The following CDH13 variants were observed in gnomAD, a reference collection of about 807,000 sequenced individuals.
CDH13 encodes the protein cadherin 13, also known as cadherin-13.
In CDH13, 24 loss-of-function variants were observed where a neutral mutation model predicts 63.8. The ratio of observed to expected loss-of-function variants is 0.38; its 90% confidence interval spans 0.27 to 0.53. The LOEUF is 0.53. Ranked by LOEUF, CDH13 falls within the 20% of genes least tolerant of loss-of-function variation. CDH13 has a pLI of 0.85. For missense variants in CDH13, 1,049 were observed against 903.1 expected (o/e 1.16, Z -2.07); for synonymous variants, 503 against 355.3 (o/e 1.42, Z -4.67).
intron 1 of CDH13, among the ~76,000 whole-genome samples, chr16:82,684,759 A>G (rs762397777): frequency 1.3e-5 from 2 of 152,186 alleles, no homozygotes; most frequent in Non-Finnish European, 2.9e-5. Flanking sequence ...GGCATTTGAG[A>G]ATTATCCTCT....
chr16:82,794,834 C>A (rs2036503885), intron 1 of CDH13, among the ~76,000 whole-genome samples: 2 of 152,196 alleles, frequency 1.3e-5, no homozygotes, highest in Admixed American at 6.5e-5. Flanking sequence ...GCTGATTCTT[C>A]TGCCTGAATT....
chr16:82,631,923 C>A (rs1454429216), intron 1 of CDH13, among the ~76,000 whole-genome samples: 1 of 152,180 alleles, frequency 6.6e-6, no homozygotes, highest in South Asian at 2.1e-4. Context: ...CTATCCCAAA[C>A]CTGCAACTCT....
intron 7 of CDH13, among the ~76,000 whole-genome samples, chr16:83,567,679 T>C (rs1904295649): frequency 6.6e-6 from 1 of 152,222 alleles, no homozygotes; most frequent in Non-Finnish European, 1.5e-5. Context: ...CGCTGCAAGC[T>C]CTGCCTCCTG....
chr16:83,544,411 A>T (rs1019794791), intron 7 of CDH13, among the ~76,000 whole-genome samples: 3 of 152,118 alleles, frequency 2.0e-5, no homozygotes, highest in Non-Finnish European at 4.4e-5. Flanking sequence ...CGTAAGTTGA[A>T]AATTATCATT....
At chr16:82,858,754 A>G in intron 2 of CDH13, 3 of 558,752 alleles carry the variant, frequency 5.4e-6, no homozygotes, top group Non-Finnish European at 9.5e-6. Flanking sequence ...AGAGTTGTAC[A>G]CTGTGCAAAG....
chr16:83,417,104 A>G (rs2071572867), intron 6 of CDH13, among the ~76,000 whole-genome samples: 1 of 152,174 alleles, frequency 6.6e-6, no homozygotes, highest in Non-Finnish European at 1.5e-5. Context: ...TATTATTCCT[A>G]CTTTACAGAT....
chr16:83,479,494 A>C (rs1407861984), intron 6 of CDH13, among the ~76,000 whole-genome samples: 1 of 152,116 alleles, frequency 6.6e-6, no homozygotes, highest in African/African-American at 2.4e-5. Context: ...ATCTCTACTA[A>C]AAATACAAAA....
At chr16:83,000,662 C>T (rs969608919) in intron 2 of CDH13, among the ~76,000 whole-genome samples, 1 of 149,704 alleles carries the variant, frequency 6.7e-6, no homozygotes, top group African/African-American at 2.5e-5. Flanking sequence ...CAACTGCAAG[C>T]TCCGCCTCCT....
intron 10 of CDH13, among the ~76,000 whole-genome samples, chr16:83,740,455 A>T (rs1911955522): frequency 2.0e-5 from 3 of 152,164 alleles, no homozygotes; most frequent in Admixed American, 1.3e-4. Flanking sequence ...GTGGACCCAC[A>T]CCACAGCTAC....
chr16:83,037,839 C>T (rs530943775), intron 3 of CDH13, among the ~76,000 whole-genome samples: 1 of 152,294 alleles, frequency 6.6e-6, no homozygotes, highest in African/African-American at 2.4e-5. Context: ...CCAATATCCT[C>T]ATCTATCAAA....
chr16:83,115,029 A>G (rs1319995757), intron 3 of CDH13, among the ~76,000 whole-genome samples: 2 of 152,142 alleles, frequency 1.3e-5, no homozygotes, highest in African/African-American at 4.8e-5. Context: ...GGGGCTGGAG[A>G]TTTGTTCTCT....
chr16:82,976,609 A>C (rs1412192163), intron 2 of CDH13, among the ~76,000 whole-genome samples: 2 of 152,174 alleles, frequency 1.3e-5, no homozygotes, highest in African/African-American at 4.8e-5. Flanking sequence ...AACTGTAGAA[A>C]CTGAGGCAGG....
chr16:83,191,683 A>G (rs897708323), intron 4 of CDH13, among the ~76,000 whole-genome samples: 2 of 151,530 alleles, frequency 1.3e-5, no homozygotes, highest in African/African-American at 4.8e-5. Context: ...AAGCTGAAGA[A>G]CTTGGAGTTT....
chr16:83,345,109 C>T, intron 6 of CDH13, 103 bp downstream of exon 6: 1 of 1,325,748 alleles, frequency 7.5e-7, no homozygotes, highest in Non-Finnish European at 1.0e-6. Flanking sequence ...AACTTGTCAG[C>T]TCGTATCAGC....
intron 3 of CDH13, among the ~76,000 whole-genome samples, chr16:83,113,779 C>G (rs552490769): frequency 7.2e-5 from 11 of 152,308 alleles, no homozygotes; most frequent in African/African-American, 2.6e-4. Context: ...GAGAAGCCCT[C>G]AGACAAGCAC....
chr16:82,842,203 C>G (rs1011883515), intron 1 of CDH13, among the ~76,000 whole-genome samples: 17 of 143,988 alleles, frequency 1.2e-4, no homozygotes, highest in African/African-American at 4.1e-4. Flanking sequence ...TGTATACACA[C>G]ACATTCCTAT....
intron 2 of CDH13, among the ~76,000 whole-genome samples, chr16:82,907,265 G>T (rs749664970): frequency 1.3e-5 from 2 of 152,126 alleles, no homozygotes; most frequent in Non-Finnish European, 2.9e-5. Context: ...ATGTTTGCAG[G>T]AGGAAGGGGT....
intron 5 of CDH13, among the ~76,000 whole-genome samples, chr16:83,245,940 C>T (rs191822689): frequency 3.9e-5 from 6 of 152,196 alleles, no homozygotes; most frequent in African/African-American, 9.6e-5. Context: ...TCTTTCCATA[C>T]AGCCCAGGCT....
intron 1 of CDH13, among the ~76,000 whole-genome samples, chr16:82,669,957 T>C (rs959060751): frequency 6.6e-6 from 1 of 152,232 alleles, no homozygotes; most frequent in African/African-American, 2.4e-5. Flanking sequence ...AGCCTGTACA[T>C]TTTCCCTTTA....
Sources: gnomAD v4.1 joint callset for allele counts (sites outside exome capture counted in the v4.1 genomes callset) on GRCh38, gnomAD v4.1.1 for gene constraint, MANE v1.5 for transcripts, NCBI Gene and HGNC (gene_info 2026-07-23, HGNC 2026-07-21) for gene names.